The following GRID2 variants were observed in gnomAD, a reference collection of about 807,000 sequenced individuals.
GRID2 encodes glutamate receptor ionotropic, delta-2.
Under a neutral mutation model 114.8 loss-of-function variants are expected in GRID2, and 33 were observed. The ratio of observed to expected loss-of-function variants is 0.29; its 90% CI spans 0.22 to 0.38. The LOEUF is 0.38. GRID2 is among the 10% of genes least tolerant of loss of function. The probability of loss-of-function intolerance (pLI) is 1.00; values close to 1 mark genes in which losing one functional copy is unlikely to be tolerated. For synonymous variants in GRID2, 505 were observed against 449.9 expected, an observed-to-expected ratio of 1.12 and a Z score of -1.55; for missense variants, 1,184 against 1,257.7, an observed-to-expected ratio of 0.94 and a Z score of 0.89.
At chr4:92,907,145 G>A (rs556603192) in intron 2 of GRID2, among the ~76,000 whole-genome samples, 27 of 151,998 alleles carry the variant, frequency 1.8e-4, no homozygotes, top group Non-Finnish European at 2.4e-4. Context: ...TATATGCCCC[G>A]TTTTTCCATT....
At chr4:93,406,471 A>C (rs1766431738) in intron 9 of GRID2, among the ~76,000 whole-genome samples, 1 of 152,164 alleles carries the variant, frequency 6.6e-6, no homozygotes, top group Non-Finnish European at 1.5e-5. Flanking sequence ...GGAGCTGAGC[A>C]GGAAAATATT....
At chr4:92,908,561 C>CAAAAAAAAAAAAAA (rs762037449) in intron 2 of GRID2, among the ~76,000 whole-genome samples, 13 of 35,996 alleles carry the variant, frequency 3.6e-4, no homozygotes, top group African/African-American at 1.1e-3. Context: ...GACTCCATCT[C>CAAAAAAAAAAAAAA]AAAAAAAAAA....
At chr4:92,541,141 T>C (rs1304059984) in intron 1 of GRID2, among the ~76,000 whole-genome samples, 1 of 151,662 alleles carries the variant, frequency 6.6e-6, no homozygotes, top group African/African-American at 2.4e-5. Flanking sequence ...TGGGGCCTGT[T>C]GTAGGGTGGG....
rs532909880 is a variant in GRID2 at position 92,764,268 on chromosome 4, GA to G, written c.244+173991del. Among the ~76,000 whole-genome samples, 287 of 151,078 alleles carry G rather than the reference GA, an allele frequency of 1.9e-3. 1 individual carries two copies. The highest frequency in any genetic ancestry group is 7.1e-3 in the Admixed American group (107 of 15,176). On this transcript the variant is annotated intron_variant, in intron 2 of 15. Coordinates refer to ENST00000282020, the MANE Select transcript of GRID2 (RefSeq NM_001510.4). Reference sequence around the variant, plus strand: ...AGCCATTTGTTTGCCTGGTCAAAAAGAAAAAAAAAGTCAAAGATTTTGAAGC... The same window carrying G: ...AGCCATTTGTTTGCCTGGTCAAAAAGAAAAAAAAGTCAAAGATTTTGAAGC...
intron 9 of GRID2, among the ~76,000 whole-genome samples, chr4:93,403,986 A>G (rs1046223304): frequency 2.0e-5 from 3 of 152,170 alleles, no homozygotes; most frequent in Non-Finnish European, 2.9e-5. Flanking sequence ...AGGTCTATCA[A>G]CTGGTGAATG....
At chr4:92,947,624 T>C (rs561596129) in intron 2 of GRID2, among the ~76,000 whole-genome samples, 5 of 151,950 alleles carry the variant, frequency 3.3e-5, no homozygotes, top group Non-Finnish European at 7.4e-5. Flanking sequence ...GTCTACTTCC[T>C]GAAAGTTTGA....
At chr4:93,741,889 A>G (rs1731449947) in intron 14 of GRID2, among the ~76,000 whole-genome samples, 2 of 146,124 alleles carry the variant, frequency 1.4e-5, no homozygotes, top group South Asian at 4.3e-4. Flanking sequence ...GTGCCATTGC[A>G]CTCCAGCCTG....
chr4:92,915,795 T>C (rs1317559529), intron 2 of GRID2, among the ~76,000 whole-genome samples: 2 of 152,182 alleles, frequency 1.3e-5, no homozygotes, highest in African/African-American at 4.8e-5. Context: ...CTGGTTTTGA[T>C]TTGCATTTCT....
chr4:92,718,791 T>C (rs1308131308), intron 2 of GRID2, among the ~76,000 whole-genome samples: 2 of 133,404 alleles, frequency 1.5e-5, no homozygotes, highest in South Asian at 5.0e-4. Flanking sequence ...AAAGCCAGAA[T>C]ACTCTTAAGT....
intron 1 of GRID2, among the ~76,000 whole-genome samples, chr4:92,424,504 T>C (rs1732059229): frequency 6.6e-6 from 1 of 152,000 alleles, no homozygotes. Flanking sequence ...GAAATGCTCA[T>C]GATGATGACT....
intron 2 of GRID2, among the ~76,000 whole-genome samples, chr4:92,937,481 C>T (rs1387612045): frequency 6.8e-6 from 1 of 146,554 alleles, no homozygotes; most frequent in African/African-American, 2.4e-5. Flanking sequence ...GCACCCATGT[C>T]AACAACCAGT....
At chr4:93,493,339 G>T (rs531984312) in intron 12 of GRID2, among the ~76,000 whole-genome samples, 19 of 151,764 alleles carry the variant, frequency 1.3e-4, no homozygotes, top group Admixed American at 1.1e-3. Flanking sequence ...TGAACCAGAA[G>T]TTAAGCATAT....
chr4:92,316,072 A>G lies in GRID2; in HGVS notation c.88+11328A>G, dbSNP rs565956123. Among the ~76,000 whole-genome samples the G allele has an allele frequency of 6.6e-5, 10 of 151,824 alleles. No individual in the cohort carries two copies. In the South Asian group the frequency reaches 1.5e-3, roughly 22 times the overall value. On this transcript the variant is annotated intron_variant, in intron 1 of 15. Transcript: ENST00000282020. ...TGACATTTAAAGCGAATTAAAATCC[A>G]GAAGACTGATTCCTGCTTCTAATAA...
intron 11 of GRID2, among the ~76,000 whole-genome samples, chr4:93,456,310 TTACTTATTACC>T (rs1723183611): frequency 6.6e-6 from 1 of 152,218 alleles, no homozygotes; most frequent in Non-Finnish European, 1.5e-5. Context: ...AAGGATGAAA[TTACTTATTACC>T]AGAGAAGGTA....
intron 4 of GRID2, among the ~76,000 whole-genome samples, chr4:93,114,038 C>T (rs949070732): frequency 3.3e-5 from 5 of 152,106 alleles, no homozygotes; most frequent in Non-Finnish European, 7.4e-5. Flanking sequence ...AGACTGATAT[C>T]AGAACCAGGG....
intron 2 of GRID2, among the ~76,000 whole-genome samples, chr4:92,816,639 T>G (rs1740936899): frequency 6.6e-6 from 1 of 152,122 alleles, no homozygotes; most frequent in African/African-American, 2.4e-5. Context: ...TGCGTAAATA[T>G]TTGCTACTAA....
chr4:92,932,129 A>C (rs763070883), intron 2 of GRID2, among the ~76,000 whole-genome samples: 1 of 151,366 alleles, frequency 6.6e-6, no homozygotes, highest in Non-Finnish European at 1.5e-5. Flanking sequence ...TGAATAGATA[A>C]GAAAAAGAGT....
intron 8 of GRID2, among the ~76,000 whole-genome samples, chr4:93,374,786 G>A (rs1337858934): frequency 6.6e-6 from 1 of 151,944 alleles, no homozygotes; most frequent in East Asian, 1.9e-4. Context: ...AGAGAACGAA[G>A]GAAGGTGTGT....
intron 3 of GRID2, among the ~76,000 whole-genome samples, chr4:93,102,085 C>T (rs534220720): frequency 6.6e-6 from 1 of 152,112 alleles, no homozygotes; most frequent in Non-Finnish European, 1.5e-5. Context: ...CTTTCTCTTA[C>T]AAATAGCAGA....
Sources: gnomAD v4.1 joint callset for allele counts (sites outside exome capture counted in the v4.1 genomes callset) on GRCh38, gnomAD v4.1.1 for gene constraint, MANE v1.5 for transcripts, NCBI Gene and HGNC (gene_info 2026-07-23, HGNC 2026-07-21) for gene names.